The following IL18RAP variants were observed in gnomAD, a reference collection of about 807,000 sequenced individuals.
IL18RAP encodes the protein interleukin 18 receptor accessory protein.
A neutral mutation model predicts 58.1 loss-of-function variants in IL18RAP; 37 were observed. The ratio of observed to expected loss-of-function variants is 0.64; its 90% CI spans 0.49 to 0.84. IL18RAP has a LOEUF of 0.84. Ranked by LOEUF, IL18RAP falls within the 40% of genes least tolerant of loss-of-function variation. IL18RAP has a pLI of 0.00. For synonymous variants in IL18RAP, 268 were observed against 257.5 expected (o/e 1.04, Z -0.39); for missense variants, 667 against 704.8 (o/e 0.95, Z 0.61).
intron 3 of IL18RAP, among the ~76,000 whole-genome samples, chr2:102,429,922 C>T (rs1682225206): frequency 6.6e-6 from 1 of 151,886 alleles, no homozygotes; most frequent in Admixed American, 6.6e-5. Context: ...CTTTGTAGCC[C>T]AAAATACACT....
rs368953178 is a variant in IL18RAP at position 102,423,354 on chromosome 2, G to T, written c.70+7G>T. The T allele has an allele frequency of 6.2e-6, 10 of 1,612,654 alleles. No individual in the cohort carries two copies. The highest frequency in any genetic ancestry group is 1.7e-4 in the Middle Eastern group (1 of 6,054). On this transcript the variant is annotated splice_region_variant and intron_variant, in intron 1 of 9. Transcript: ENST00000687160. ...AAAGGATTTAATATTTCAGGTAGGGGTTTTCACTTTTCATGTTAGCACTGT... is the reference window on the plus strand; with the variant it reads ...AAAGGATTTAATATTTCAGGTAGGGTTTTTCACTTTTCATGTTAGCACTGT...
At chr2:102,431,336 T>A (rs148569738) in intron 3 of IL18RAP, among the ~76,000 whole-genome samples, 1 of 152,366 alleles carries the variant, frequency 6.6e-6, no homozygotes, top group African/African-American at 2.4e-5. Context: ...CATCTCTTGC[T>A]ACTTTCAATA....
At position 102,424,432 on chromosome 2, in the gene IL18RAP, A is replaced by G. The variant is rs767975990; in HGVS notation, c.579+18A>G. On this transcript the variant is annotated intron_variant, in intron 3 of 9. Coordinates refer to ENST00000687160, the MANE Select transcript of IL18RAP (RefSeq NM_001393487.1). ...GGTACAAGGTAAGAGTGAATTCTCT[A>G]AAATTAATATAAGAGCATTGTTTTT... 1.1e-5 allele frequency: 17 copies of G among 1,598,176 alleles called. No homozygotes were observed. The highest frequency in any genetic ancestry group is 5.2e-5 in the Admixed American group (3 of 58,250).
intron 5 of IL18RAP, among the ~76,000 whole-genome samples, chr2:102,441,848 A>G (rs1276192147): frequency 1.3e-5 from 2 of 151,930 alleles, no homozygotes; most frequent in African/African-American, 4.8e-5. Flanking sequence ...AGATCGAGCC[A>G]TTGCACTCCA....
At position 102,450,985 on chromosome 2, in the gene IL18RAP, C is replaced by T. The variant is rs754551745; in HGVS notation, c.1348C>T (p.Leu450=). 3.7e-6 allele frequency: 6 copies of T among 1,606,022 alleles called. No homozygotes were observed. Among genetic ancestry groups the T allele is most frequent in the African/African-American group, 1.3e-5 (1 of 74,626 alleles). Residue 450 remains leucine, a synonymous_variant, in exon 9 of 10, where the codon CTG becomes TTG. Coordinates refer to ENST00000687160, the MANE Select transcript of IL18RAP (RefSeq NM_001393487.1). ...DVLENKYGYS[L]CLLERDVAPG... ...TTTAGAAAACAAATATGGATATAGC[C>T]TGTGTTTGCTTGAAAGAGATGTGGC... is the stretch of plus-strand genomic sequence containing the variant.
upstream of IL18RAP, among the ~76,000 whole-genome samples, chr2:102,420,393 G>A (rs1414448686): frequency 2.0e-5 from 3 of 151,940 alleles, no homozygotes; most frequent in Admixed American, 2.0e-4. Flanking sequence ...TAAGGGTTTC[G>A]GGTGATTCTT....
chr2:102,438,854 T>G (rs1002497350), intron 4 of IL18RAP: 1 of 152,204 alleles, frequency 6.6e-6, no homozygotes, highest in Non-Finnish European at 1.5e-5. Context: ...AAGACAAAGG[T>G]GAAGCAGGCT....
At chr2:102,433,115 T>C (rs1682497453) in intron 3 of IL18RAP, among the ~76,000 whole-genome samples, 1 of 152,156 alleles carries the variant, frequency 6.6e-6, no homozygotes, top group Non-Finnish European at 1.5e-5. Context: ...GCACCTTGAA[T>C]AACATTTCCA....
intron 5 of IL18RAP, among the ~76,000 whole-genome samples, chr2:102,442,357 GA>G (rs1196376409): frequency 1.3e-5 from 2 of 151,552 alleles, no homozygotes; most frequent in Non-Finnish European, 2.9e-5. Flanking sequence ...TATTATTTTA[GA>G]AAGAAACATA....
intron 8 of IL18RAP, among the ~76,000 whole-genome samples, chr2:102,448,006 T>C (rs1683537269): frequency 6.6e-6 from 1 of 152,262 alleles, no homozygotes; most frequent in South Asian, 2.1e-4. Flanking sequence ...AGTGCTGGGA[T>C]TACAGCCGTG....
intron 3 of IL18RAP, chr2:102,432,299 C>G (rs1682423894): frequency 6.5e-6 from 1 of 153,874 alleles, no homozygotes; most frequent in Admixed American, 6.5e-5. Context: ...GTGATTGCCT[C>G]TGATCAGGCA....
At chr2:102,420,280 C>A (rs11465680), upstream of IL18RAP, among the ~76,000 whole-genome samples, 248 of 152,308 alleles carry the variant, frequency 1.6e-3, 1 homozygote, top group Non-Finnish European at 2.8e-3. Flanking sequence ...CCCAGATGAG[C>A]GTGGTGGCTC....
chr2:102,431,338 C>G (rs1306329095), intron 3 of IL18RAP, among the ~76,000 whole-genome samples: 1 of 152,172 alleles, frequency 6.6e-6, no homozygotes, highest in Non-Finnish European at 1.5e-5. Flanking sequence ...TCTCTTGCTA[C>G]TTTCAATATT....
intron 6 of IL18RAP, 61 bp downstream of exon 6, chr2:102,443,384 G>C: frequency 6.4e-7 from 1 of 1,567,312 alleles, no homozygotes. Flanking sequence ...TCTACCTTTA[G>C]AAATGCCTAA....
At chr2:102,435,231 A>T (rs1682657662) in intron 3 of IL18RAP, 1 of 152,194 alleles carries the variant, frequency 6.6e-6, no homozygotes, top group Non-Finnish European at 1.5e-5. Context: ...TGTGGTTCTC[A>T]TGATGGTTAT....
intron 3 of IL18RAP, among the ~76,000 whole-genome samples, chr2:102,432,539 C>T (rs1298889564): frequency 1.3e-5 from 2 of 152,218 alleles, no homozygotes; most frequent in Non-Finnish European, 2.9e-5. Context: ...GGGATTGCTG[C>T]TCAGCAATTT....
At chr2:102,441,743 C>G (rs1243006951) in intron 5 of IL18RAP, among the ~76,000 whole-genome samples, 1 of 151,942 alleles carries the variant, frequency 6.6e-6, no homozygotes, top group Non-Finnish European at 1.5e-5. Flanking sequence ...CAAAAATTAG[C>G]CGGGCGTGGG....
At chr2:102,447,726 G>GTATGTATTTATTTATT (rs377209832) in intron 8 of IL18RAP, among the ~76,000 whole-genome samples, 3 of 149,634 alleles carry the variant, frequency 2.0e-5, no homozygotes, top group Non-Finnish European at 3.0e-5. Context: ...ATGTATGTAT[G>GTATGTATTTATTTATT]TATTTATTTA....
Position 102,441,163 on chromosome 2 carries a change from C to T in IL18RAP, c.731-149C>T, listed in dbSNP as rs927873204. On this transcript the variant is annotated intron_variant, in intron 4 of 9. Transcript: ENST00000687160. Reference sequence around the variant, plus strand: ...AGGGGGCAAGCTTTTTACATGGAAACCGGAATTCCTAACTTACAGGTAATT... The same window carrying T: ...AGGGGGCAAGCTTTTTACATGGAAATCGGAATTCCTAACTTACAGGTAATT... The T allele has an allele frequency of 7.1e-5, 41 of 580,926 alleles. No individual in the cohort carries two copies. In the Admixed American group the frequency reaches 1.1e-3, roughly 16 times the overall value. The allele number at this position is 580,926 out of a possible 1,614,324, so 36.0% of individuals were successfully genotyped here.
Sources: gnomAD v4.1 joint callset for allele counts (sites outside exome capture counted in the v4.1 genomes callset) on GRCh38, gnomAD v4.1.1 for gene constraint, MANE v1.5 for transcripts, NCBI Gene and HGNC (gene_info 2026-07-23, HGNC 2026-07-21) for gene names.